The following CPNE4 variants were observed in gnomAD, a reference collection of about 807,000 sequenced individuals.
CPNE4 encodes the protein copine 4.
In CPNE4, 25 loss-of-function variants were observed where a neutral mutation model predicts 67.9. That is an observed-to-expected ratio of 0.37 (90% CI 0.27 to 0.51). CPNE4 has a LOEUF of 0.51. Among genes scored for constraint, CPNE4 ranks in the 20% least tolerant of loss-of-function variants. The probability of loss-of-function intolerance (pLI) is 0.93; values close to 1 mark genes in which losing one functional copy is unlikely to be tolerated. For synonymous variants in CPNE4, 242 were observed against 244.9 expected, an observed-to-expected ratio of 0.99 and a Z score of 0.11; for missense variants, 464 against 690.8, an observed-to-expected ratio of 0.67 and a Z score of 3.68.
intron 1 of CPNE4, among the ~76,000 whole-genome samples, chr3:132,011,802 G>T (rs2073769955): frequency 6.6e-6 from 1 of 152,164 alleles, no homozygotes; most frequent in South Asian, 2.1e-4. Context: ...AGCAACAGGA[G>T]CCTGTGTCAA....
chr3:132,023,396 T>A (rs1287800895), intron 1 of CPNE4, among the ~76,000 whole-genome samples: 1 of 152,128 alleles, frequency 6.6e-6, no homozygotes, highest in Non-Finnish European at 1.5e-5. Flanking sequence ...CTTAGTTTGG[T>A]CCGTGATTGA....
At chr3:131,955,660 C>G (rs1252661013) in intron 1 of CPNE4, among the ~76,000 whole-genome samples, 1 of 152,006 alleles carries the variant, frequency 6.6e-6, no homozygotes, top group African/African-American at 2.4e-5. Flanking sequence ...CAGACAGATA[C>G]ATTTCCACTC....
chr3:131,886,200 G>T (rs9881394), intron 2 of CPNE4, among the ~76,000 whole-genome samples: 43,839 of 152,202 alleles, frequency 0.29, 7,388 homozygotes, highest in Non-Finnish European at 0.37. Flanking sequence ...CTGTGTCCCA[G>T]CTGCTCCAGC....
intron 1 of CPNE4, among the ~76,000 whole-genome samples, chr3:131,996,726 G>A (rs546131361): frequency 6.6e-6 from 1 of 152,124 alleles, no homozygotes; most frequent in South Asian, 2.1e-4. Context: ...CAGGCTCATG[G>A]GATTTCATTG....
chr3:131,536,493 G>C (rs979966122), intron 15 of CPNE4, among the ~76,000 whole-genome samples: 3 of 152,230 alleles, frequency 2.0e-5, no homozygotes, highest in African/African-American at 7.2e-5. Flanking sequence ...CCAAAAGAAA[G>C]AGGGCTGGAC....
chr3:131,580,814 C>T (rs1553731347), intron 9 of CPNE4, among the ~76,000 whole-genome samples: 1 of 152,138 alleles, frequency 6.6e-6, no homozygotes, highest in Admixed American at 6.5e-5. Context: ...TTCGTAAGCC[C>T]TTTAATCTTT....
Position 131,898,519 on chromosome 3 carries a change from C to G in CPNE4, c.180+6745G>C, listed in dbSNP as rs188310683. On this transcript the variant is annotated intron_variant, in intron 2 of 15. Transcript: ENST00000429747. ...GGCAACACAGATTTCAATTCAAATA[C>G]TTTTTGCTCATCTGTAACCTGAATT... Among the ~76,000 whole-genome samples, 288 of 152,232 alleles carry G rather than the reference C, an allele frequency of 1.9e-3. 2 individuals carry two copies. Among genetic ancestry groups the G allele is most frequent in the African/African-American group, 6.4e-3 (268 of 41,560 alleles).
intron 3 of CPNE4, among the ~76,000 whole-genome samples, chr3:131,700,530 C>T (rs1002781243): frequency 6.6e-6 from 1 of 152,114 alleles, no homozygotes; most frequent in African/African-American, 2.4e-5. Flanking sequence ...TGCCAATGCA[C>T]CTGCGCAATG....
intron 2 of CPNE4, among the ~76,000 whole-genome samples, chr3:131,825,871 A>G (rs576203510): frequency 6.6e-6 from 1 of 152,216 alleles, no homozygotes; most frequent in African/African-American, 2.4e-5. Context: ...ACAGCAAGAC[A>G]GAGTTGGAAG....
chr3:131,907,592 C>T (rs1387690859), intron 1 of CPNE4, among the ~76,000 whole-genome samples: 1 of 151,954 alleles, frequency 6.6e-6, no homozygotes, highest in East Asian at 1.9e-4. Flanking sequence ...ATTTCACACA[C>T]AAGCACACAC....
rs1462621166 is a variant in CPNE4, at chr3:131,833,061, T to A, written c.180+72203A>T. ...ATAAAAGAGACCCCAGAGCCTTGTA[T>A]CTATAGCCACGTGAGGACATAGCAA... On this transcript the variant is annotated intron_variant, in intron 2 of 15. Coordinates refer to ENST00000429747, the MANE Select transcript of CPNE4 (RefSeq NM_130808.3). 2.6e-5 allele frequency among the ~76,000 whole-genome samples: 4 copies of A among 152,264 alleles called. No individual in the cohort carries two copies. The East Asian group carries it at 5.8e-4, about 22-fold the overall frequency.
chr3:131,695,961 G>T (rs2081147067), intron 5 of CPNE4, among the ~76,000 whole-genome samples: 1 of 152,156 alleles, frequency 6.6e-6, no homozygotes, highest in Non-Finnish European at 1.5e-5. Context: ...CCAGGTTGCA[G>T]ATGTGAGAGT....
chr3:131,753,820 G>A (rs2107801264), intron 2 of CPNE4, among the ~76,000 whole-genome samples: 2 of 152,166 alleles, frequency 1.3e-5, no homozygotes, highest in East Asian at 1.9e-4. Context: ...TACATTAATG[G>A]TGGGAATGTG....
chr3:131,588,165 GTGCA>G (rs2107702532), intron 7 of CPNE4, among the ~76,000 whole-genome samples: 1 of 152,228 alleles, frequency 6.6e-6, no homozygotes, highest in African/African-American at 2.4e-5. Context: ...TTGGAAAATA[GTGCA>G]CAGACAATAC....
chr3:131,955,774 T>A (rs2071947100), intron 1 of CPNE4, among the ~76,000 whole-genome samples: 1 of 152,162 alleles, frequency 6.6e-6, no homozygotes, highest in South Asian at 2.1e-4. Context: ...TCTCTGAACT[T>A]GTACGGAAGT....
intron 2 of CPNE4, among the ~76,000 whole-genome samples, chr3:131,731,451 G>A (rs1464394111): frequency 6.6e-6 from 1 of 152,164 alleles, no homozygotes; most frequent in African/African-American, 2.4e-5. Flanking sequence ...CACAGAGCAT[G>A]AGCAAATCCT....
At chr3:132,008,261 AACTG>A (rs2073658782) in intron 1 of CPNE4, among the ~76,000 whole-genome samples, 1 of 152,208 alleles carries the variant, frequency 6.6e-6, no homozygotes, top group Non-Finnish European at 1.5e-5. Context: ...GTAACAACCT[AACTG>A]TTGAAGAGTA....
chr3:131,896,275 G>A (rs1303776168), intron 2 of CPNE4, among the ~76,000 whole-genome samples: 1 of 151,886 alleles, frequency 6.6e-6, no homozygotes, highest in Non-Finnish European at 1.5e-5. Context: ...TCTTTATTAT[G>A]AAATGATAAA....
At position 131,793,525 on chromosome 3, in the gene CPNE4, G is replaced by C. The variant is rs184991519; in HGVS notation, c.181-69900C>G. Among the ~76,000 whole-genome samples the C allele has an allele frequency of 2.9e-3, 438 of 152,276 alleles. 5 individuals are homozygous for C. The highest frequency in any genetic ancestry group is 6.0e-3 in the South Asian group (29 of 4,820). ...ACACCGATGCCTGGGCACCACCCTA[G>C]ACTAGTTGATTTGGAATTTCTGTAG... On this transcript the variant is annotated intron_variant, in intron 2 of 15. Transcript: ENST00000429747.
Sources: allele counts gnomAD v4.1 joint callset (sites outside exome capture counted in the v4.1 genomes callset), GRCh38; gene constraint gnomAD v4.1.1; transcripts MANE v1.5; gene names NCBI Gene and HGNC (gene_info 2026-07-23, HGNC 2026-07-21).